Variants in GNG2 observed in about 807,000 individuals in gnomAD.
The protein encoded by GNG2 is guanine nucleotide-binding protein G(I)/G(S)/G(O) subunit gamma-2.
In GNG2, 5 loss-of-function variants were observed where a neutral mutation model predicts 5.5. The observed-to-expected ratio is 0.91, with a 90% CI of 0.48 to 1.92. The LOEUF (loss-of-function observed/expected upper bound fraction) is 1.92, where lower values mean the gene tolerates loss of function less well. GNG2 is among the 30% of genes most tolerant of loss of function. The pLI, the probability that GNG2 is intolerant of heterozygous loss-of-function variation, is 0.01. For missense variants in GNG2, 55 were observed against 88.4 expected (o/e 0.62, Z 1.52); for synonymous variants, 28 against 32.0 (o/e 0.88, Z 0.42).
At chr14:51,936,162 A>G (rs921626625) in intron 2 of GNG2, among the ~76,000 whole-genome samples, 35 of 152,224 alleles carry the variant, frequency 2.3e-4, no homozygotes, top group African/African-American at 7.7e-4. Flanking sequence ...CTAAACCTGT[A>G]TCACAAGTGA....
chr14:51,848,003 G>A (rs957647691), intron 2 of GNG2, among the ~76,000 whole-genome samples: 5 of 136,388 alleles, frequency 3.7e-5, no homozygotes, highest in African/African-American at 1.4e-4. Flanking sequence ...ACAAATTCTT[G>A]ATTTCCTTCC....
chr14:51,868,080 T>C lies in GNG2; in HGVS notation c.-71+7290T>C, dbSNP rs563836367. On this transcript the variant is annotated intron_variant, in intron 1 of 3. Coordinates refer to ENST00000556766, the MANE Select transcript of GNG2 (RefSeq NM_053064.5). ...GACATAGTACTTGTCCTCTAAGAGC[T>C]CACAAACTCATGGGGAAAACAGACA... Among the ~76,000 whole-genome samples, 3 of 152,270 alleles carry C rather than the reference T, an allele frequency of 2.0e-5. No individual in the cohort carries two copies. The South Asian group carries it at 6.2e-4, about 32-fold the overall frequency.
rs1890058928 is a variant in GNG2, at chr14:51,968,676, T to C, written c.*1989T>C. The C allele has an allele frequency of 6.6e-6, 1 of 152,206 alleles. No individual in the cohort carries two copies. Among genetic ancestry groups the C allele is most frequent in the African/African-American group, 2.4e-5 (1 of 41,444 alleles). 9.4% of individuals were successfully genotyped at this position (152,206 alleles called of 1,614,324 possible). On this transcript the variant is annotated 3_prime_UTR_variant, in exon 4 of 4. Transcript: ENST00000556766. ...GCAGAGTATTTATTAAACTACAGCA[T>C]TGTACAATTAGCTTAGTAACACTAT...
intron 2 of GNG2, among the ~76,000 whole-genome samples, chr14:51,929,069 C>A (rs1346641317): frequency 1.3e-5 from 2 of 152,160 alleles, no homozygotes; most frequent in African/African-American, 2.4e-5. Flanking sequence ...TCCCAAGCAA[C>A]CGAGGTTACT....
At chr14:51,945,826 A>G (rs1207692906) in intron 2 of GNG2, among the ~76,000 whole-genome samples, 1 of 139,436 alleles carries the variant, frequency 7.2e-6, no homozygotes, top group African/African-American at 2.6e-5. Flanking sequence ...AAATACCTCA[A>G]GCTTAGAAGA....
chr14:51,851,627 C>T (rs2748144), intron 2 of GNG2, among the ~76,000 whole-genome samples: 109,842 of 152,188 alleles, frequency 0.72, 41,586 homozygotes, highest in East Asian at 0.97. Context: ...CATCTGATGA[C>T]TGTCATAGAT....
At chr14:51,884,772 G>A (rs1446099721) in intron 2 of GNG2, among the ~76,000 whole-genome samples, 1 of 152,160 alleles carries the variant, frequency 6.6e-6, no homozygotes, top group Non-Finnish European at 1.5e-5. Context: ...GATTTTCTTA[G>A]GTTGTTTAGG....
chr14:51,881,313 A>G (rs917799384), intron 2 of GNG2, among the ~76,000 whole-genome samples: 2 of 152,232 alleles, frequency 1.3e-5, no homozygotes, highest in African/African-American at 2.4e-5. Flanking sequence ...TAGGAAGACT[A>G]TCTGGAATGC....
intron 2 of GNG2, chr14:51,916,546 C>G (rs918228942): frequency 2.7e-5 from 12 of 449,782 alleles, no homozygotes; most frequent in Admixed American, 1.4e-4. Context: ...TCCAATTAAA[C>G]TTCTCTCCTG....
chr14:51,964,860 A>C (rs907036340), intron 3 of GNG2, among the ~76,000 whole-genome samples: 1 of 152,204 alleles, frequency 6.6e-6, no homozygotes, highest in African/African-American at 2.4e-5. Flanking sequence ...CCAGCTAGGC[A>C]TGGTGGCATG....
intron 1 of GNG2, among the ~76,000 whole-genome samples, chr14:51,863,050 C>T (rs1166963182): frequency 2.0e-5 from 3 of 148,590 alleles, no homozygotes; most frequent in Non-Finnish European, 4.4e-5. Flanking sequence ...TATTTCATTG[C>T]CAGCCTTGGG....
intron 1 of GNG2, among the ~76,000 whole-genome samples, chr14:51,868,715 C>T (rs1883099164): frequency 6.6e-6 from 1 of 152,208 alleles, no homozygotes. Context: ...TCTTCACATA[C>T]ATGTTCTGTA....
chr14:51,892,241 G>A (rs56173163), intron 2 of GNG2, among the ~76,000 whole-genome samples: 47,375 of 151,950 alleles, frequency 0.31, 8,165 homozygotes, highest in Non-Finnish European at 0.4. Context: ...GGCCATTACC[G>A]TAGACATATG....
chr14:51,854,603 G>T, intron 2 of GNG2, among the ~76,000 whole-genome samples: 1 of 141,402 alleles, frequency 7.1e-6, no homozygotes, highest in South Asian at 2.3e-4. Context: ...TCCTCCTCCA[G>T]GGTTGCAAGC....
chr14:51,928,175 G>A (rs1348027009), intron 2 of GNG2, among the ~76,000 whole-genome samples: 4 of 151,872 alleles, frequency 2.6e-5, no homozygotes, highest in East Asian at 1.9e-4. Flanking sequence ...GATTACAGGC[G>A]TGCAACACCA....
intron 2 of GNG2, among the ~76,000 whole-genome samples, chr14:51,852,471 A>G (rs1881952717): frequency 3.9e-5 from 6 of 152,270 alleles, no homozygotes; most frequent in Admixed American, 3.9e-4. Context: ...GTGGTTGAAG[A>G]TAGAGGTAAA....
chr14:51,881,220 G>C (rs553125730), intron 2 of GNG2, among the ~76,000 whole-genome samples: 1 of 152,302 alleles, frequency 6.6e-6, no homozygotes, highest in African/African-American at 2.4e-5. Context: ...AGCTCTCTTA[G>C]CTTTAATCTT....
intron 2 of GNG2, among the ~76,000 whole-genome samples, chr14:51,846,742 C>T (rs866057893): frequency 4.1e-4 from 62 of 152,294 alleles, no homozygotes; most frequent in Middle Eastern, 6.8e-3. Context: ...AAAGGGATTT[C>T]CCCTTTTTCC....
intron 2 of GNG2, among the ~76,000 whole-genome samples, chr14:51,852,917 C>A (rs2153308): frequency 0.85 from 128,369 of 151,818 alleles, 55,429 homozygotes; most frequent in Non-Finnish European, 0.94. Flanking sequence ...TCATCTAAGT[C>A]AAGAACAGAT....
Sources: gnomAD v4.1 joint callset for allele counts (sites outside exome capture counted in the v4.1 genomes callset) on GRCh38, gnomAD v4.1.1 for gene constraint, MANE v1.5 for transcripts, NCBI Gene and HGNC (gene_info 2026-07-23, HGNC 2026-07-21) for gene names.